Variants in PDE1A observed in about 807,000 individuals in gnomAD.
The protein encoded by PDE1A is dual specificity calcium/calmodulin-dependent 3',5'-cyclic nucleotide phosphodiesterase 1A.
A neutral mutation model predicts 61.7 loss-of-function variants in PDE1A; 35 were observed. That is an observed-to-expected ratio of 0.57 (90% CI 0.43 to 0.75). PDE1A has a LOEUF of 0.75. Among genes scored for constraint, PDE1A ranks in the 30% least tolerant of loss-of-function variants. The pLI is 0.00. For missense variants in PDE1A, 597 were observed against 630.6 expected (o/e 0.95, Z 0.57); for synonymous variants, 232 against 213.2 (o/e 1.09, Z -0.77).
intron 1 of PDE1A, among the ~76,000 whole-genome samples, chr2:182,341,762 ATCC>A (rs1698200715): frequency 6.6e-6 from 1 of 152,128 alleles, no homozygotes; most frequent in Non-Finnish European, 1.5e-5. Flanking sequence ...AAATTTCTTT[ATCC>A]TCTTTTTTTG....
intron 2 of PDE1A, among the ~76,000 whole-genome samples, chr2:182,506,849 C>T (rs1298605865): frequency 6.6e-6 from 1 of 152,188 alleles, no homozygotes; most frequent in Non-Finnish European, 1.5e-5. Context: ...GCCAGGGTAA[C>T]AGGATATGAA....
chr2:182,471,761 G>T (rs1463532760), intron 2 of PDE1A, among the ~76,000 whole-genome samples: 1 of 151,760 alleles, frequency 6.6e-6, no homozygotes, highest in Non-Finnish European at 1.5e-5. Flanking sequence ...AGTTTCATAA[G>T]ACACTCTTCC....
chr2:182,458,471 T>A (rs1353451143), intron 2 of PDE1A, among the ~76,000 whole-genome samples: 2 of 152,036 alleles, frequency 1.3e-5, no homozygotes, highest in Non-Finnish European at 2.9e-5. Context: ...TCAGGTACAA[T>A]AAGAACTGTA....
intron 1 of PDE1A, among the ~76,000 whole-genome samples, chr2:182,334,110 C>A (rs1395397188): frequency 6.6e-6 from 1 of 151,834 alleles, no homozygotes; most frequent in Non-Finnish European, 1.5e-5. Context: ...CCAAAAAAAA[C>A]CCAGGACCAG....
chr2:182,233,205 C>T (rs1022528282), intron 4 of PDE1A, among the ~76,000 whole-genome samples: 6 of 152,058 alleles, frequency 3.9e-5, no homozygotes, highest in South Asian at 4.1e-4. Context: ...TCTCAAGAAC[C>T]GAGGAATGAT....
the PDE1A span, among the ~76,000 whole-genome samples, chr2:182,549,407 T>C: frequency 1.3e-5 from 2 of 152,132 alleles, no homozygotes; most frequent in African/African-American, 4.8e-5. Context: ...AGTCATGAGT[T>C]ACACATAAAT....
At chr2:182,266,149 T>C (rs1692621277) in intron 1 of PDE1A, among the ~76,000 whole-genome samples, 1 of 152,096 alleles carries the variant, frequency 6.6e-6, no homozygotes, top group South Asian at 2.1e-4. Flanking sequence ...TATGATAAAA[T>C]ATCAGCAGGC....
At chr2:182,614,574 G>C in the PDE1A span, among the ~76,000 whole-genome samples, 1 of 41,402 alleles carries the variant, frequency 2.4e-5, no homozygotes, top group South Asian at 7.3e-4. Context: ...TTTTTTTTTT[G>C]AGACAGAGTC....
the PDE1A span, among the ~76,000 whole-genome samples, chr2:182,564,748 G>A: frequency 3.1e-3 from 476 of 152,132 alleles, 1 homozygote; most frequent in African/African-American, 0.011. Context: ...GGCTTTGTTC[G>A]TTTCTTTTTA....
At chr2:182,690,159 A>G in the PDE1A span, among the ~76,000 whole-genome samples, 1 of 152,230 alleles carries the variant, frequency 6.6e-6, no homozygotes, top group Non-Finnish European at 1.5e-5. Context: ...AAAAAGAGGG[A>G]ATCCTCCCTA....
intron 2 of PDE1A, among the ~76,000 whole-genome samples, chr2:182,512,625 A>C (rs1331828804): frequency 6.6e-6 from 1 of 152,214 alleles, no homozygotes; most frequent in African/African-American, 2.4e-5. Context: ...ACAGACACAG[A>C]GTTCAGAATC....
chr2:182,660,333 G>C, the PDE1A span, among the ~76,000 whole-genome samples: 106,627 of 152,020 alleles, frequency 0.7, 37,542 homozygotes, highest in Middle Eastern at 0.76. Flanking sequence ...GGAAGAAAGA[G>C]GAGAGTGACA....
intron 2 of PDE1A, among the ~76,000 whole-genome samples, chr2:182,519,607 A>G (rs79032431): frequency 0.019 from 2,929 of 152,038 alleles, 90 homozygotes; most frequent in East Asian, 0.13. Flanking sequence ...GCTCAATAAA[A>G]GAAAACAAAA....
At chr2:182,492,778 C>T (rs112760503) in intron 2 of PDE1A, among the ~76,000 whole-genome samples, 3 of 152,116 alleles carry the variant, frequency 2.0e-5, no homozygotes, top group Non-Finnish European at 2.9e-5. Context: ...ATTTTTAAAA[C>T]AAGGCTAACT....
chr2:182,271,151 G>T (rs1213829608), intron 1 of PDE1A, among the ~76,000 whole-genome samples: 1 of 148,304 alleles, frequency 6.7e-6, no homozygotes, highest in Non-Finnish European at 1.5e-5. Context: ...CTGGAAATTT[G>T]CTAAGAGAGT....
chr2:182,176,074 T>A (rs1435119882), intron 13 of PDE1A, among the ~76,000 whole-genome samples: 1 of 149,558 alleles, frequency 6.7e-6, no homozygotes, highest in Non-Finnish European at 1.5e-5. Flanking sequence ...ACCATGCTAT[T>A]TTGGTTACTG....
At chr2:182,264,539 A>G in intron 1 of PDE1A, 125 bp from the exon 2 acceptor site, 1 of 619,182 alleles carries the variant, frequency 1.6e-6, no homozygotes, top group South Asian at 2.6e-5. Context: ...GTCAACAAAT[A>G]GCATTATTTT....
chr2:182,653,904 T>C, the PDE1A span, among the ~76,000 whole-genome samples: 1 of 152,150 alleles, frequency 6.6e-6, no homozygotes, highest in Non-Finnish European at 1.5e-5. Context: ...GGGTACTCTC[T>C]TCTTCCTGCA....
chr2:182,490,471 G>A (rs187039132), intron 2 of PDE1A, among the ~76,000 whole-genome samples: 31 of 152,278 alleles, frequency 2.0e-4, no homozygotes, highest in Non-Finnish European at 2.9e-4. Flanking sequence ...CTGGGTTCAC[G>A]CCATTCTCCT....
Sources: allele counts gnomAD v4.1 joint callset (sites outside exome capture counted in the v4.1 genomes callset), GRCh38; gene constraint gnomAD v4.1.1; transcripts MANE v1.5; gene names NCBI Gene and HGNC (gene_info 2026-07-23, HGNC 2026-07-21).